The following ELAVL2 variants were observed in gnomAD, a reference collection of about 807,000 sequenced individuals.
ELAVL2 encodes ELAV-like protein 2.
Under a neutral mutation model 34.6 loss-of-function variants are expected in ELAVL2, and 4 were observed. That is an observed-to-expected ratio of 0.12 (90% CI 0.06 to 0.26). The LOEUF (loss-of-function observed/expected upper bound fraction) is 0.26, where lower values mean the gene tolerates loss of function less well. Among genes scored for constraint, ELAVL2 ranks in the 10% least tolerant of loss-of-function variants. ELAVL2 has a pLI of 1.00. For missense variants in ELAVL2, 432 were observed against 442.8 expected (o/e 0.98, Z 0.22); for synonymous variants, 193 against 154.8 (o/e 1.25, Z -1.83).
chr9:23,712,860 AAAGAC>A (rs1198261624), intron 3 of ELAVL2, among the ~76,000 whole-genome samples: 4 of 152,340 alleles, frequency 2.6e-5, no homozygotes, highest in African/African-American at 9.6e-5. Flanking sequence ...TGACATTGTT[AAAGAC>A]AATAATAAAT....
At chr9:23,822,719 C>T (rs1214793737) in intron 1 of ELAVL2, among the ~76,000 whole-genome samples, 3 of 152,224 alleles carry the variant, frequency 2.0e-5, no homozygotes, top group East Asian at 3.9e-4. Flanking sequence ...TCGATTTTAG[C>T]CCTTCTCCTA....
chr9:23,751,459 A>G, intron 2 of ELAVL2, among the ~76,000 whole-genome samples: 1 of 152,156 alleles, frequency 6.6e-6, no homozygotes, highest in Non-Finnish European at 1.5e-5. Flanking sequence ...ATTTCAATGG[A>G]AAAGAAAACA....
intron 1 of ELAVL2, chr9:23,765,099 T>C (rs2136120378): frequency 6.3e-7 from 1 of 1,595,576 alleles, no homozygotes; most frequent in Non-Finnish European, 8.5e-7. Context: ...GGAGTTGCCG[T>C]CTGCAATATG....
chr9:23,702,950 G>GAAAA (rs1164109229), intron 4 of ELAVL2, among the ~76,000 whole-genome samples: 1 of 7,646 alleles, frequency 1.3e-4, no homozygotes, highest in Non-Finnish European at 3.4e-4. Context: ...CATCAGATTA[G>GAAAA]CAAAAAAAAA....
chr9:23,693,754 G>C (rs1401688351), intron 5 of ELAVL2, among the ~76,000 whole-genome samples: 1 of 152,178 alleles, frequency 6.6e-6, no homozygotes, highest in Admixed American at 6.5e-5. Flanking sequence ...GAGGAAGTGC[G>C]AAAGCTCTGG....
chr9:23,820,615 AG>A (rs2064449212), intron 1 of ELAVL2, among the ~76,000 whole-genome samples: 1 of 151,784 alleles, frequency 6.6e-6, no homozygotes, highest in African/African-American at 2.4e-5. Flanking sequence ...GATAACAAGG[AG>A]GCTTTTAAGG....
chr9:23,737,682 T>C (rs1033544257), intron 2 of ELAVL2, among the ~76,000 whole-genome samples: 1 of 152,222 alleles, frequency 6.6e-6, no homozygotes, highest in South Asian at 2.1e-4. Context: ...GTGACTACAC[T>C]GATTGATGTG....
At chr9:23,731,357 T>C (rs1464861867) in intron 2 of ELAVL2, among the ~76,000 whole-genome samples, 1 of 151,490 alleles carries the variant, frequency 6.6e-6, no homozygotes, top group Non-Finnish European at 1.5e-5. Context: ...AAAACACACA[T>C]CCCCAAAGGA....
intron 1 of ELAVL2, among the ~76,000 whole-genome samples, chr9:23,819,893 T>A (rs556550513): frequency 6.6e-6 from 1 of 152,282 alleles, no homozygotes; most frequent in East Asian, 1.9e-4. Context: ...CAAGCGAACT[T>A]CCCGTAAGTA....
At chr9:23,693,031 C>G in intron 6 of ELAVL2, 147 bp from the exon 7 acceptor site, 1 of 766,876 alleles carries the variant, frequency 1.3e-6, no homozygotes, top group South Asian at 1.9e-5. Flanking sequence ...CATGTTTTGA[C>G]CAAGGTCTGT....
chr9:23,779,745 G>A (rs1162308179), intron 1 of ELAVL2, among the ~76,000 whole-genome samples: 2 of 151,686 alleles, frequency 1.3e-5, no homozygotes, highest in African/African-American at 4.8e-5. Context: ...CTTTCACAGC[G>A]CGGAAAGTTT....
intron 1 of ELAVL2, among the ~76,000 whole-genome samples, chr9:23,769,104 G>C (rs1471887943): frequency 6.6e-6 from 1 of 152,086 alleles, no homozygotes; most frequent in Non-Finnish European, 1.5e-5. Flanking sequence ...CCAGTACAAA[G>C]GCCTTCCTTC....
At chr9:23,713,411 A>G (rs2041514564) in intron 3 of ELAVL2, among the ~76,000 whole-genome samples, 1 of 152,192 alleles carries the variant, frequency 6.6e-6, no homozygotes, top group South Asian at 2.1e-4. Context: ...TCCAAGTCTA[A>G]GCAGGAACTT....
chr9:23,696,827 A>T (rs1469513647), intron 5 of ELAVL2, among the ~76,000 whole-genome samples: 1 of 152,182 alleles, frequency 6.6e-6, no homozygotes, highest in Middle Eastern at 3.2e-3. Flanking sequence ...AGAGCAAGCT[A>T]GCTGCCTCCA....
At chr9:23,808,076 T>C (rs1046253238) in intron 1 of ELAVL2, among the ~76,000 whole-genome samples, 3 of 152,154 alleles carry the variant, frequency 2.0e-5, no homozygotes, top group Admixed American at 6.6e-5. Context: ...ACCATCAATT[T>C]ATCAAGGAGA....
intron 1 of ELAVL2, among the ~76,000 whole-genome samples, chr9:23,788,443 A>C (rs1041391583): frequency 6.6e-6 from 1 of 152,188 alleles, no homozygotes; most frequent in Admixed American, 6.5e-5. Flanking sequence ...CTGAAACTTC[A>C]GATAGAACTG....
In ELAVL2 at chr9:23,692,547, C is replaced by G. The variant is rs367752580; in HGVS notation, c.*10G>C. On this transcript the variant is annotated 3_prime_UTR_variant, in exon 7 of 7. Transcript: ENST00000397312. ...TTTTCATATATAAATGGACTGAGGA[C>G]AAGAGCTCATTAGGCTTTGTGCGTT... 2.5e-6 allele frequency: 4 copies of G among 1,606,294 alleles called. No individual in the cohort carries two copies. In the African/African-American group the frequency reaches 5.4e-5, roughly 22 times the overall value.
At chr9:23,776,330 C>T (rs1475572340) in intron 1 of ELAVL2, among the ~76,000 whole-genome samples, 2 of 152,158 alleles carry the variant, frequency 1.3e-5, no homozygotes, top group African/African-American at 4.8e-5. Flanking sequence ...ATATAAACCT[C>T]AGGGAGGAAC....
intron 2 of ELAVL2, among the ~76,000 whole-genome samples, chr9:23,744,398 G>C (rs531050918): frequency 2.0e-5 from 3 of 152,212 alleles, no homozygotes; most frequent in African/African-American, 7.2e-5. Flanking sequence ...GCTGTCAAGA[G>C]TTTTCCTATT....
Sources: gnomAD v4.1 joint callset for allele counts (sites outside exome capture counted in the v4.1 genomes callset) on GRCh38, gnomAD v4.1.1 for gene constraint, MANE v1.5 for transcripts, NCBI Gene and HGNC (gene_info 2026-07-23, HGNC 2026-07-21) for gene names.